CLUH: variants seen among roughly 807,000 people sequenced by gnomAD.
The protein encoded by CLUH is CLUH binding protein of NUMT mRNA.
CLUH carries 77 observed loss-of-function variants against 139.3 expected under a neutral mutation model. The ratio of observed to expected loss-of-function variants is 0.55; its 90% CI spans 0.46 to 0.67. CLUH has a LOEUF of 0.67. CLUH is among the 30% of genes least tolerant of loss of function. CLUH has a pLI of 0.00. For missense variants in CLUH, 1,876 were observed against 1,875.8 expected, an observed-to-expected ratio of 1.00 and a Z score of 0.00; for synonymous variants, 999 against 801.6, an observed-to-expected ratio of 1.25 and a Z score of -4.16.
In CLUH at chr17:2,707,273, G is replaced by A; in HGVS notation, c.101-2709C>T. The A allele has an allele frequency of 1.0e-6, 1 of 985,436 alleles. No homozygotes were observed. The highest frequency in any genetic ancestry group is 1.2e-6 in the Non-Finnish European group (1 of 829,920). 61.0% of individuals were successfully genotyped at this position (985,436 alleles called of 1,614,324 possible). A position where few individuals can be genotyped will look rare whatever the true frequency, so the allele number is the denominator to read the frequency against. Reference sequence around the variant, plus strand: ...CCAGCTCAGCCCCAGCATTGCCCGGGTTCCTTGTTCCAGCCTCTGCCGCTA... The same window carrying A: ...CCAGCTCAGCCCCAGCATTGCCCGGATTCCTTGTTCCAGCCTCTGCCGCTA... On this transcript the variant is annotated intron_variant, in intron 1 of 25. Transcript: ENST00000651024. The surrounding 1 kb of genome is among the most constrained non-coding windows in gnomAD (Gnocchi z 7.4).
rs750431695 is a variant in CLUH, at chr17:2,693,911, C to T, written c.3220G>A (p.Asp1074Asn). 3.2e-5 allele frequency: 52 copies of T among 1,612,280 alleles called. No individual in the cohort carries two copies. Among genetic ancestry groups the T allele is most frequent in the Non-Finnish European group, 4.0e-5 (47 of 1,179,256 alleles). Reference protein sequence around the residue: ...LLARLHYIMGDYAEALSNQQK... With the variant: ...LLARLHYIMGNYAEALSNQQK... ...AGCCCAGAGGGTACCTCTGCGTAGT[C>T]GCCCATGATGTAGTGGAGGCGGGCG... The change falls in exon 19 of 26, where the codon GAC (aspartate) becomes AAC (asparagine). Residue 1074 changes from aspartate (D) to asparagine (N), a missense_variant. This residue lies in a region of CLUH where 1,454 missense variants were observed against 1,384.4 expected (regional missense o/e 1.05). Coordinates refer to ENST00000651024, the MANE Select transcript of CLUH (RefSeq NM_001366661.1).
intron 4 of CLUH, 83 bp from the exon 5 acceptor site, chr17:2,701,820 G>GCCTCAGGCCCAGGCC (rs2070192824): frequency 6.3e-7 from 1 of 1,576,388 alleles, no homozygotes; most frequent in East Asian, 2.3e-5. Flanking sequence ...TGGTCCGGGT[G>GCCTCAGGCCCAGGCC]CCTCAGGCCC....
At chr17:2,692,319 A>AGGCCTCCGCC (rs1205357195) in intron 22 of CLUH, 42 bp downstream of exon 22, 9 of 1,499,274 alleles carry the variant, frequency 6.0e-6, no homozygotes, top group African/African-American at 1.4e-5. Flanking sequence ...GCTGCCCCGC[A>AGGCCTCCGCC]GGCCTCCGCC....
chr17:2,697,755 GTCTCCAAT>G, intron 10 of CLUH, 133 bp downstream of exon 10: 1 of 824,196 alleles, frequency 1.2e-6, no homozygotes. Context: ...GTGGGGACGG[GTCTCCAAT>G]GACTGTGGCT....
chr17:2,697,902 T>C lies in CLUH; in HGVS notation c.1955A>G (p.Glu652Gly), dbSNP rs1219555130. ...CGGCAGGGCCGCCCCTCACCTGTGC[T>C]CCACGAAGGCGTCCACCAGCTCCTG... ...LRQELVDAFV[E>G]HRYLLFMKLA... The change falls in exon 10 of 26, where the codon GAG becomes GGG. Residue 652 changes from glutamate (E) to glycine (G), a missense_variant. This residue lies in a region of CLUH where 1,454 missense variants were observed against 1,384.4 expected (regional missense o/e 1.05). Transcript: ENST00000651024. 1 of 1,501,568 alleles carries C rather than the reference T, an allele frequency of 6.7e-7. No individual in the cohort carries two copies. Among genetic ancestry groups the C allele is most frequent in the African/African-American group, 1.4e-5 (1 of 72,580 alleles). 93.0% of individuals were successfully genotyped at this position (1,501,568 alleles called of 1,614,324 possible).
In CLUH at chr17:2,703,299, G is replaced by A. The variant is rs1409470518; in HGVS notation, c.475+19C>T. Reference sequence around the variant, plus strand: ...CCGTGGGCCCTCCCCCGGGCAGGCTGTCCAACTTCCAGACCAACCTTCCAC... The same window carrying A: ...CCGTGGGCCCTCCCCCGGGCAGGCTATCCAACTTCCAGACCAACCTTCCAC... On this transcript the variant is annotated intron_variant, in intron 3 of 25. Transcript: ENST00000651024. The surrounding 1 kb of genome is among the most constrained non-coding windows in gnomAD (Gnocchi z 4.2). 5 of 1,600,714 alleles carry A rather than the reference G, an allele frequency of 3.1e-6. No homozygotes were observed. The highest frequency in any genetic ancestry group is 3.4e-6 in the Non-Finnish European group (4 of 1,172,974).
chr17:2,699,628 G>C (rs2070103247), intron 9 of CLUH, among the ~76,000 whole-genome samples: 1 of 139,586 alleles, frequency 7.2e-6, no homozygotes, highest in South Asian at 2.4e-4. Flanking sequence ...GTGCCTGGCT[G>C]AGATTTCTTT....
chr17:2,696,623 T>C, intron 11 of CLUH, 85 bp from the exon 12 acceptor site: 1 of 1,542,530 alleles, frequency 6.5e-7, no homozygotes, highest in African/African-American at 1.4e-5. Context: ...CCTAGCTCCT[T>C]GCAGAGATGT....
rs1016646863 is a variant in CLUH, at chr17:2,691,550, G to A, written c.3863+59C>T. On this transcript the variant is annotated intron_variant, in intron 25 of 25. Transcript: ENST00000651024. ...CACTCCAGCCCGGGTGACAGGGCGA[G>A]ACTCCGACTCACAAAAAACCCCCAA... 3 of 1,536,398 alleles carry A rather than the reference G, an allele frequency of 2.0e-6. No individual in the cohort carries two copies. The African/African-American group carries it at 4.1e-5, about 21-fold the overall frequency.
chr17:2,690,609 C>G lies in CLUH; in HGVS notation c.4032G>C (p.Pro1344=), dbSNP rs773914181. 6.7e-7 allele frequency: 1 copy of G among 1,491,080 alleles called. No individual in the cohort carries two copies. Among genetic ancestry groups the G allele is most frequent in the Non-Finnish European group, 8.9e-7 (1 of 1,124,994 alleles). 92.4% of individuals were successfully genotyped at this position (1,491,080 alleles called of 1,614,324 possible). A position where few individuals can be genotyped will look rare whatever the true frequency, so the allele number is the denominator to read the frequency against. Reference sequence around the variant, plus strand: ...GGCTCCCTCTCTATCCCTGCACGCTCGGAGAAGGGTCCTTGGCAGCCGGGG... The same window carrying G: ...GGCTCCCTCTCTATCCCTGCACGCTGGGAGAAGGGTCCTTGGCAGCCGGGG... ...SQPPAAKDPS[P]SVQG The change falls in exon 26 of 26, where the codon CCG becomes CCC. Residue 1344 remains proline (P), a synonymous_variant. Transcript: ENST00000651024.
intron 25 of CLUH, 27 bp downstream of exon 25, chr17:2,691,582 G>A (rs773185738): frequency 3.7e-6 from 6 of 1,605,068 alleles, no homozygotes; most frequent in Non-Finnish European, 2.6e-6. Flanking sequence ...CCAACCGGGA[G>A]ACACTCGAGT....
chr17:2,695,559 G>GCTCCTCTGCCTCCACCCAA lies in CLUH; in HGVS notation c.2392-52_2392-34dup, dbSNP rs2069907232. The GCTCCTCTGCCTCCACCCAA allele has an allele frequency of 2.6e-6, 4 of 1,552,570 alleles. No individual in the cohort carries two copies. In the Admixed American group the frequency reaches 5.7e-5, roughly 22 times the overall value. ...CTGCAGCAGCTCAGGCCCCCACCCA[G>GCTCCTCTGCCTCCACCCAA]CTCCTCTGCCTCCACCCAACTGAGT... On this transcript the variant is annotated intron_variant, in intron 13 of 25. Coordinates refer to ENST00000651024, the MANE Select transcript of CLUH (RefSeq NM_001366661.1).
At chr17:2,690,926 A>C in intron 25 of CLUH, 149 bp from the exon 26 acceptor site, 1 of 568,194 alleles carries the variant, frequency 1.8e-6, no homozygotes, top group East Asian at 3.4e-5. Context: ...TGAAGGCGGA[A>C]GGTCCCTGAA....
At chr17:2,692,973 C>A in intron 19 of CLUH, 113 bp from the exon 20 acceptor site, 1 of 1,054,902 alleles carries the variant, frequency 9.5e-7, no homozygotes, top group Non-Finnish European at 1.3e-6. Context: ...CTGTCCCCTC[C>A]GGCTGCGCCC....
At chr17:2,710,540 G>A (rs1350865165) in intron 1 of CLUH, among the ~76,000 whole-genome samples, 1 of 152,168 alleles carries the variant, frequency 6.6e-6, no homozygotes, top group Non-Finnish European at 1.5e-5. Context: ...GGAGGGACTG[G>A]GGGACAGGAG....
rs889303135 is a variant in CLUH, at chr17:2,701,418, C to T, written c.847G>A (p.Glu283Lys). 3 of 1,611,944 alleles carry T rather than the reference C, an allele frequency of 1.9e-6. No homozygotes were observed. The highest frequency in any genetic ancestry group is 2.2e-5 in the East Asian group (1 of 44,778). ...GCGGTGATGCTGACTTGCCGGTCCT[C>T]GGCTGTGATCACAAACAGGTACATG... ...DLMYLFVITA[E>K]DRQVSITAST... The change falls in exon 6 of 26, where the codon GAG becomes AAG. Residue 283 changes from glutamate to lysine, a missense_variant. By Grantham distance (56) the Glu-to-Lys change is moderately conservative (BLOSUM62 1). Around this residue, in one of 3 missense-constraint regions of CLUH, gnomAD observed 270 missense variants for 354.7 expected, o/e 0.76. Coordinates refer to ENST00000651024, the MANE Select transcript of CLUH (RefSeq NM_001366661.1).
intron 3 of CLUH, among the ~76,000 whole-genome samples, chr17:2,702,892 C>T (rs2070233508): frequency 6.6e-6 from 1 of 151,974 alleles, no homozygotes; most frequent in South Asian, 2.1e-4. Context: ...TGGCACGATC[C>T]GGGCACACTG....
intron 9 of CLUH, 41 bp downstream of exon 9, chr17:2,700,341 C>G: frequency 6.4e-7 from 1 of 1,560,452 alleles, no homozygotes; most frequent in Non-Finnish European, 8.7e-7. Flanking sequence ...AGCAGGTGGA[C>G]AGCGGGCCTC....
chr17:2,693,502 T>C lies in CLUH; in HGVS notation c.3231+398A>G, dbSNP rs9906229. On this transcript the variant is annotated intron_variant, in intron 19 of 25. Transcript: ENST00000651024. The stretch of plus-strand genomic sequence containing the variant: ...AGACATGCTAACCCTGAAACAGCCC[T>C]GGCCAGGCAGGGCACCCAGAACCCC... 3.4e-3 allele frequency among the ~76,000 whole-genome samples: 370 copies of C among 107,680 alleles called. 2 individuals are homozygous for C. Among genetic ancestry groups the C allele is most frequent in the African/African-American group, 0.012 (322 of 27,192 alleles). 70.6% of individuals were successfully genotyped at this position (107,680 alleles called of 152,430 possible).
Sources: allele counts gnomAD v4.1 joint callset (sites outside exome capture counted in the v4.1 genomes callset), GRCh38; gene constraint gnomAD v4.1.1; regional missense constraint gnomAD v4.1.1; non-coding constraint Gnocchi (gnomAD v3.1); transcripts MANE v1.5; gene names NCBI Gene and HGNC (gene_info 2026-07-23, HGNC 2026-07-21).